The following SLC2A13 variants were observed in gnomAD, a reference collection of about 807,000 sequenced individuals.
SLC2A13 encodes proton myo-inositol cotransporter.
In SLC2A13, 32 loss-of-function variants were observed where a neutral mutation model predicts 64.4. That is an observed-to-expected ratio of 0.50 (90% confidence interval 0.37 to 0.67). The LOEUF is 0.67. Ranked by LOEUF, SLC2A13 falls within the 30% of genes least tolerant of loss-of-function variation. The pLI, the probability that SLC2A13 is intolerant of heterozygous loss-of-function variation, is 0.00. For synonymous variants in SLC2A13, 338 were observed against 327.1 expected (o/e 1.03, Z -0.36); for missense variants, 743 against 829.2 (o/e 0.90, Z 1.28).
intron 1 of SLC2A13, among the ~76,000 whole-genome samples, chr12:40,052,629 G>C (rs1421229323): frequency 2.0e-5 from 3 of 152,088 alleles, no homozygotes; most frequent in Admixed American, 1.3e-4. Context: ...TATTCTTCAA[G>C]AGAAATAAGT....
At chr12:39,976,276 C>T (rs1299179137) in intron 3 of SLC2A13, among the ~76,000 whole-genome samples, 2 of 152,224 alleles carry the variant, frequency 1.3e-5, no homozygotes, top group Non-Finnish European at 2.9e-5. Context: ...AATTCACCAT[C>T]AGCACCAGGA....
chr12:39,866,379 C>T (rs1030033644), intron 5 of SLC2A13, among the ~76,000 whole-genome samples: 1 of 152,172 alleles, frequency 6.6e-6, no homozygotes. Flanking sequence ...GGATAAAGGA[C>T]ACAACCTTTC....
chr12:40,102,277 T>A (rs1240044232), intron 1 of SLC2A13, among the ~76,000 whole-genome samples: 1 of 152,246 alleles, frequency 6.6e-6, no homozygotes, highest in Non-Finnish European at 1.5e-5. Context: ...AATGGAAGCT[T>A]AATTAGCAAG....
intron 4 of SLC2A13, among the ~76,000 whole-genome samples, chr12:39,883,841 A>G (rs1944403486): frequency 6.6e-6 from 1 of 152,210 alleles, no homozygotes; most frequent in African/African-American, 2.4e-5. Flanking sequence ...GAGGTCAGGA[A>G]CATGCAGGAT....
At chr12:40,084,111 A>G (rs1490745910) in intron 1 of SLC2A13, among the ~76,000 whole-genome samples, 1 of 152,252 alleles carries the variant, frequency 6.6e-6, no homozygotes, top group Non-Finnish European at 1.5e-5. Context: ...TAACTGATAT[A>G]TTTGAATGTG....
At chr12:39,901,333 T>A (rs912127309) in intron 4 of SLC2A13, among the ~76,000 whole-genome samples, 5 of 151,732 alleles carry the variant, frequency 3.3e-5, no homozygotes, top group African/African-American at 1.2e-4. Flanking sequence ...AAGCCAAAAT[T>A]GACAAATGGG....
intron 3 of SLC2A13, among the ~76,000 whole-genome samples, chr12:39,972,650 G>C (rs1946685047): frequency 6.6e-6 from 1 of 152,158 alleles, no homozygotes; most frequent in African/African-American, 2.4e-5. Flanking sequence ...CATCAGCAGA[G>C]AACATTGATG....
intron 4 of SLC2A13, among the ~76,000 whole-genome samples, chr12:39,944,062 G>A (rs147997555): frequency 1.1e-3 from 171 of 152,240 alleles, no homozygotes; most frequent in African/African-American, 3.9e-3. Flanking sequence ...CATTCAGTTC[G>A]AAGAATTTTT....
chr12:39,864,717 G>A, intron 6 of SLC2A13, 45 bp downstream of exon 6: 2 of 1,596,686 alleles, frequency 1.3e-6, no homozygotes, highest in Non-Finnish European at 1.7e-6. Context: ...AAGCAAAAAA[G>A]TTACCAGAGT....
chr12:39,990,898 A>G (rs554114247), intron 3 of SLC2A13, among the ~76,000 whole-genome samples: 73 of 152,212 alleles, frequency 4.8e-4, no homozygotes, highest in African/African-American at 1.6e-3. Context: ...CGATTCTCAA[A>G]CCTAGGCTTC....
At chr12:39,926,603 C>G (rs1273258610) in intron 4 of SLC2A13, among the ~76,000 whole-genome samples, 1 of 152,046 alleles carries the variant, frequency 6.6e-6, no homozygotes, top group Non-Finnish European at 1.5e-5. Context: ...AAACCAAATA[C>G]AGTTCTAACC....
At chr12:40,073,152 A>T (rs2136272170) in intron 1 of SLC2A13, among the ~76,000 whole-genome samples, 1 of 152,234 alleles carries the variant, frequency 6.6e-6, no homozygotes, top group East Asian at 1.9e-4. Context: ...AATAATGCTA[A>T]TTCCTTCCAT....
intron 6 of SLC2A13, among the ~76,000 whole-genome samples, chr12:39,857,896 A>G (rs571973303): frequency 9.2e-5 from 14 of 152,044 alleles, no homozygotes; most frequent in Non-Finnish European, 1.9e-4. Flanking sequence ...ATCTTTGCAA[A>G]CCTAATCTTG....
chr12:39,786,961 A>G (rs1330831727), intron 7 of SLC2A13, among the ~76,000 whole-genome samples: 1 of 149,718 alleles, frequency 6.7e-6, no homozygotes, highest in Non-Finnish European at 1.5e-5. Context: ...CTAATCAGAG[A>G]CATGGGCATA....
intron 1 of SLC2A13, among the ~76,000 whole-genome samples, chr12:40,066,731 C>T (rs1354883776): frequency 2.0e-5 from 3 of 152,012 alleles, no homozygotes; most frequent in South Asian, 2.1e-4. Context: ...TCATAAGAGG[C>T]GGAAGATTGC....
chr12:39,926,315 T>C (rs990098278), intron 4 of SLC2A13, among the ~76,000 whole-genome samples: 5 of 152,166 alleles, frequency 3.3e-5, no homozygotes, highest in African/African-American at 4.8e-5. Flanking sequence ...ACATCTTACA[T>C]ACAAATCTCA....
chr12:40,055,908 A>G (rs577418976), intron 1 of SLC2A13, among the ~76,000 whole-genome samples: 2 of 152,036 alleles, frequency 1.3e-5, no homozygotes, highest in Admixed American at 1.3e-4. Flanking sequence ...CCACAAATAT[A>G]GGAGACCAAC....
intron 1 of SLC2A13, among the ~76,000 whole-genome samples, chr12:40,088,634 A>G (rs1481167887): frequency 1.3e-5 from 2 of 152,188 alleles, no homozygotes; most frequent in Admixed American, 6.5e-5. Context: ...ATTGCATGTT[A>G]CAGATCAATA....
At chr12:40,061,274 G>A (rs1948416637) in intron 1 of SLC2A13, among the ~76,000 whole-genome samples, 1 of 151,964 alleles carries the variant, frequency 6.6e-6, no homozygotes, top group South Asian at 2.1e-4. Context: ...GTAAAAAGAA[G>A]GGCAATCAGT....
Sources: allele counts gnomAD v4.1 joint callset (sites outside exome capture counted in the v4.1 genomes callset), GRCh38; gene constraint gnomAD v4.1.1; transcripts MANE v1.5; gene names NCBI Gene and HGNC (gene_info 2026-07-23, HGNC 2026-07-21).